The following ZDHHC2 variants were observed in gnomAD, a reference collection of about 807,000 sequenced individuals.
ZDHHC2 encodes palmitoyltransferase ZDHHC2.
Under a neutral mutation model 55.6 loss-of-function variants are expected in ZDHHC2, and 51 were observed. The observed-to-expected ratio is 0.92, with a 90% CI of 0.73 to 1.16. The LOEUF (loss-of-function observed/expected upper bound fraction) is 1.16, where lower values mean the gene tolerates loss of function less well. ZDHHC2 is among the 50% of genes most tolerant of loss of function. The pLI is 0.00. For missense variants in ZDHHC2, 491 were observed against 442.4 expected (o/e 1.11, Z -0.99); for synonymous variants, 199 against 152.9 (o/e 1.30, Z -2.22).
At chr8:17,215,012 C>G (rs1049017225) in intron 10 of ZDHHC2, among the ~76,000 whole-genome samples, 5 of 152,132 alleles carry the variant, frequency 3.3e-5, no homozygotes, top group African/African-American at 1.2e-4. Flanking sequence ...AGATTATCAT[C>G]TTATGGTAAG....
intron 1 of ZDHHC2, among the ~76,000 whole-genome samples, chr8:17,176,772 G>A (rs986859447): frequency 9.2e-5 from 14 of 151,902 alleles, no homozygotes; most frequent in East Asian, 5.8e-4. Context: ...AAAGGCAGGC[G>A]TTTTGAGTTA....
At chr8:17,212,992 G>A (rs1464308634) in intron 10 of ZDHHC2, among the ~76,000 whole-genome samples, 1 of 152,008 alleles carries the variant, frequency 6.6e-6, no homozygotes, top group Non-Finnish European at 1.5e-5. Flanking sequence ...CCTTCTGGAT[G>A]TCATTCTTTT....
chr8:17,156,935 T>C, intron 1 of ZDHHC2, 82 bp downstream of exon 1: 5 of 1,310,190 alleles, frequency 3.8e-6, no homozygotes, highest in Non-Finnish European at 5.0e-6. Flanking sequence ...GCTCCTCCGC[T>C]CTCGCCCCCC....
At chr8:17,216,262 C>T (rs1171176793) in intron 11 of ZDHHC2, among the ~76,000 whole-genome samples, 1 of 152,154 alleles carries the variant, frequency 6.6e-6, no homozygotes, top group East Asian at 1.9e-4. Context: ...GAAGAAACCT[C>T]TGGGATTTAG....
At chr8:17,177,735 T>C (rs1374769750) in intron 1 of ZDHHC2, among the ~76,000 whole-genome samples, 1 of 147,818 alleles carries the variant, frequency 6.8e-6, no homozygotes, top group Admixed American at 6.8e-5. Flanking sequence ...TAGGACCAAG[T>C]CTCTGTTTTG....
chr8:17,195,685 A>G, intron 4 of ZDHHC2, 61 bp downstream of exon 4: 8 of 1,597,306 alleles, frequency 5.0e-6, no homozygotes, highest in Non-Finnish European at 6.8e-6. Context: ...AGGTGACTGT[A>G]AGAAAGTGTG....
chr8:17,161,987 AAACTC>A (rs1804366368), intron 1 of ZDHHC2, among the ~76,000 whole-genome samples: 1 of 152,266 alleles, frequency 6.6e-6, no homozygotes, highest in Admixed American at 6.5e-5. Context: ...AGGGTAATAA[AAACTC>A]AACATTTCTT....
intron 10 of ZDHHC2, among the ~76,000 whole-genome samples, chr8:17,212,416 A>T (rs1585739073): frequency 1.3e-5 from 2 of 152,120 alleles, no homozygotes; most frequent in Middle Eastern, 3.4e-3. Flanking sequence ...AGTATTAGTG[A>T]CCTCCATTCT....
In ZDHHC2 at chr8:17,224,397, T is replaced by A. The variant is rs1808040091; in HGVS notation, c.*4176T>A. The A allele has an allele frequency of 6.6e-6, 1 of 151,726 alleles. No homozygotes were observed. The highest frequency in any genetic ancestry group is 1.5e-5 in the Non-Finnish European group (1 of 67,696). The allele number at this position is 151,726 out of a possible 1,614,324, so 9.4% of individuals were successfully genotyped here. On this transcript the variant is annotated 3_prime_UTR_variant, in exon 13 of 13. Transcript: ENST00000262096. ...AATTAAACCAAAGGGAAACTTTTAA[T>A]AAGTTATTTTAAGCCCTGGTTTATG...
chr8:17,207,930 A>G (rs1308828807), intron 7 of ZDHHC2, 30 bp from the exon 8 acceptor site: 1 of 1,432,426 alleles, frequency 7.0e-7, no homozygotes, highest in African/African-American at 1.4e-5. Context: ...CCCTTTGACA[A>G]AACATGTTAT....
intron 10 of ZDHHC2, among the ~76,000 whole-genome samples, chr8:17,214,186 T>C (rs183366710): frequency 7.9e-4 from 121 of 152,310 alleles, no homozygotes; most frequent in Non-Finnish European, 2.4e-4. Context: ...AAGTGAAATA[T>C]TTTTATGTAT....
intron 10 of ZDHHC2, among the ~76,000 whole-genome samples, chr8:17,211,867 C>G (rs1487761668): frequency 1.3e-5 from 2 of 152,028 alleles, no homozygotes; most frequent in South Asian, 2.1e-4. Context: ...TTTCATATAC[C>G]TCAATGCAGA....
At chr8:17,178,861 A>G (rs2904666) in intron 1 of ZDHHC2, among the ~76,000 whole-genome samples, 11,152 of 152,258 alleles carry the variant, frequency 0.073, 489 homozygotes, top group African/African-American at 0.081. Context: ...AATTAATGTT[A>G]TAACAAAAAA....
At chr8:17,216,052 T>C (rs1807630047) in intron 11 of ZDHHC2, among the ~76,000 whole-genome samples, 1 of 152,136 alleles carries the variant, frequency 6.6e-6, no homozygotes, top group Non-Finnish European at 1.5e-5. Context: ...CAAAATAGGG[T>C]GATCATACAT....
At chr8:17,187,957 G>A (rs986616785) in intron 3 of ZDHHC2, among the ~76,000 whole-genome samples, 4 of 152,134 alleles carry the variant, frequency 2.6e-5, no homozygotes, top group African/African-American at 9.7e-5. Flanking sequence ...CAGTTAATGG[G>A]CAGTTTATCA....
chr8:17,195,431 G>C (rs531403044), intron 3 of ZDHHC2, 73 bp from the exon 4 acceptor site: 3 of 1,479,010 alleles, frequency 2.0e-6, no homozygotes, highest in Non-Finnish European at 1.8e-6. Context: ...ACCCTTTTCC[G>C]GGTATGGTAG....
chr8:17,176,208 C>T (rs1262724800), intron 1 of ZDHHC2, among the ~76,000 whole-genome samples: 1 of 151,962 alleles, frequency 6.6e-6, no homozygotes, highest in Non-Finnish European at 1.5e-5. Context: ...TTGAGGTAGT[C>T]GATTGCCTTG....
At chr8:17,186,089 G>A (rs192924217) in intron 2 of ZDHHC2, among the ~76,000 whole-genome samples, 1 of 152,292 alleles carries the variant, frequency 6.6e-6, no homozygotes, top group Non-Finnish European at 1.5e-5. Flanking sequence ...TCTGTCTACA[G>A]ATGGGAGGCT....
intron 1 of ZDHHC2, among the ~76,000 whole-genome samples, chr8:17,166,267 G>T (rs972797697): frequency 6.6e-6 from 1 of 152,158 alleles, no homozygotes; most frequent in Admixed American, 6.5e-5. Context: ...TCAGATTCTG[G>T]ACGTATTTTT....
Sources: allele counts gnomAD v4.1 joint callset (sites outside exome capture counted in the v4.1 genomes callset), GRCh38; gene constraint gnomAD v4.1.1; transcripts MANE v1.5; gene names NCBI Gene and HGNC (gene_info 2026-07-23, HGNC 2026-07-21).